SLCO3A1: variants seen among roughly 807,000 people sequenced by gnomAD.
The protein encoded by SLCO3A1 is PGE1 transporter.
Under a neutral mutation model 63.1 loss-of-function variants are expected in SLCO3A1, and 27 were observed. That is an observed-to-expected ratio of 0.43 (90% CI 0.32 to 0.59). The LOEUF (loss-of-function observed/expected upper bound fraction) is 0.59, where lower values mean the gene tolerates loss of function less well. Ranked by LOEUF, SLCO3A1 falls within the 20% of genes least tolerant of loss-of-function variation. The pLI, the probability that SLCO3A1 is intolerant of heterozygous loss-of-function variation, is 0.09. For synonymous variants in SLCO3A1, 473 were observed against 409.9 expected (o/e 1.15, Z -1.86); for missense variants, 773 against 945.8 (o/e 0.82, Z 2.40).
At position 91,865,348 on chromosome 15, in the gene SLCO3A1, T is replaced by A. The variant is rs1897139750; in HGVS notation, c.180+11260T>A. On this transcript the variant is annotated intron_variant, in intron 1 of 9. Coordinates refer to ENST00000318445, the MANE Select transcript of SLCO3A1 (RefSeq NM_013272.4). This position sits in a 1 kb window ranked among gnomAD's most constrained non-coding sequence, Gnocchi z 4.6. ...TAAGTGAGAAAGTGACTTTCACAGTTTATCTGTTGGTGAGGTGGACATGGG... is the reference window on the plus strand; with the variant it reads ...TAAGTGAGAAAGTGACTTTCACAGTATATCTGTTGGTGAGGTGGACATGGG... Among the ~76,000 whole-genome samples, 1 of 152,200 alleles carries A rather than the reference T, an allele frequency of 6.6e-6. No homozygotes were observed. Among genetic ancestry groups the A allele is most frequent in the Admixed American group, 6.5e-5 (1 of 15,286 alleles).
rs546748043 is a variant in SLCO3A1 at position 92,162,386 on chromosome 15, G to T, written c.1754-370G>T. The T allele has an allele frequency of 9.6e-5, 18 of 188,032 alleles. No individual in the cohort carries two copies. The South Asian group carries it at 1.0e-3, about 11-fold the overall frequency. 11.6% of individuals were successfully genotyped at this position (188,032 alleles called of 1,614,324 possible). On this transcript the variant is annotated intron_variant, in intron 9 of 9. Transcript: ENST00000318445. ...GCTGGTCTCAAACTCCTGATCTCAG[G>T]TGATCCACCTGCTTCAGCCTCCCAA...
At chr15:92,145,125 G>GA (rs1189586711) in intron 7 of SLCO3A1, among the ~76,000 whole-genome samples, 3 of 152,176 alleles carry the variant, frequency 2.0e-5, no homozygotes, top group African/African-American at 7.2e-5. Context: ...TCCGGGGAGA[G>GA]AAAAATGCAT....
intron 2 of SLCO3A1, among the ~76,000 whole-genome samples, chr15:92,032,430 G>C (rs538535833): frequency 6.6e-6 from 1 of 152,160 alleles, no homozygotes; most frequent in African/African-American, 2.4e-5. Flanking sequence ...GAGGCTAAGT[G>C]TATAGGGTAA....
rs76460962 is a variant in SLCO3A1, at chr15:92,014,854, G to C, written c.647-80027G>C. Among the ~76,000 whole-genome samples, 895 of 152,206 alleles carry C rather than the reference G, an allele frequency of 5.9e-3. 9 individuals are homozygous for C. The highest frequency in any genetic ancestry group is 0.021 in the African/African-American group (863 of 41,542). Reference sequence around the variant, plus strand: ...TTGGCAAGGAGACAGAGTAGGCATTGAGGGAGGTGGAGGAGGAGGGTAAGG... The same window carrying C: ...TTGGCAAGGAGACAGAGTAGGCATTCAGGGAGGTGGAGGAGGAGGGTAAGG... On this transcript the variant is annotated intron_variant, in intron 2 of 9. Transcript: ENST00000318445.
At chr15:91,964,008 A>G (rs12908772) in intron 2 of SLCO3A1, among the ~76,000 whole-genome samples, 1 of 152,132 alleles carries the variant, frequency 6.6e-6, no homozygotes, top group East Asian at 1.9e-4. Flanking sequence ...TGTGTTCACC[A>G]TCTTTTAACT....
chr15:92,001,100 T>C (rs1271335245), intron 2 of SLCO3A1, among the ~76,000 whole-genome samples: 1 of 151,432 alleles, frequency 6.6e-6, no homozygotes, highest in African/African-American at 2.4e-5. Flanking sequence ...TTCTAAGACA[T>C]AACTGTGAAT....
intron 4 of SLCO3A1, among the ~76,000 whole-genome samples, chr15:92,117,574 C>T (rs74030491): frequency 2.3e-4 from 35 of 152,264 alleles, no homozygotes; most frequent in African/African-American, 7.5e-4. Context: ...CATAAACCAC[C>T]GGGACATTCA....
chr15:91,908,273 A>G (rs947326316), intron 1 of SLCO3A1, among the ~76,000 whole-genome samples: 11 of 144,054 alleles, frequency 7.6e-5, no homozygotes, highest in East Asian at 2.3e-4. Flanking sequence ...GTCTGTGTCT[A>G]TGAGATTCTC....
chr15:92,140,511 G>C (rs1343341165), intron 7 of SLCO3A1, among the ~76,000 whole-genome samples: 5 of 152,176 alleles, frequency 3.3e-5, no homozygotes, highest in South Asian at 2.1e-4. Context: ...GTGCAGAGCT[G>C]AGTTCAATTC....
chr15:91,945,902 G>T (rs1314695769), intron 2 of SLCO3A1, among the ~76,000 whole-genome samples: 1 of 152,208 alleles, frequency 6.6e-6, no homozygotes, highest in Non-Finnish European at 1.5e-5. Context: ...TGATGGAGAG[G>T]GAGGGAAGAG....
At chr15:91,947,918 C>G (rs900479455) in intron 2 of SLCO3A1, among the ~76,000 whole-genome samples, 1 of 152,192 alleles carries the variant, frequency 6.6e-6, no homozygotes, top group Non-Finnish European at 1.5e-5. Flanking sequence ...GGCAATTCCC[C>G]TTTGGCCCCC....
At chr15:91,888,982 C>G (rs181455747) in intron 1 of SLCO3A1, 148 of 347,666 alleles carry the variant, frequency 4.3e-4, no homozygotes, top group African/African-American at 3.3e-3. Flanking sequence ...GCAGTCCAGC[C>G]TGGGTAACAA....
chr15:91,984,363 T>A (rs1457736826), intron 2 of SLCO3A1, among the ~76,000 whole-genome samples: 1 of 152,228 alleles, frequency 6.6e-6, no homozygotes, highest in East Asian at 1.9e-4. Flanking sequence ...TTCCATCATC[T>A]TTCTTATCGG....
intron 2 of SLCO3A1, among the ~76,000 whole-genome samples, chr15:92,017,346 G>C (rs575593397): frequency 1.3e-5 from 2 of 151,920 alleles, no homozygotes; most frequent in Non-Finnish European, 2.9e-5. Flanking sequence ...AAGGAAGCAG[G>C]GATCCTTATA....
chr15:92,000,186 TTG>T (rs1253893176), intron 2 of SLCO3A1, among the ~76,000 whole-genome samples: 1 of 152,204 alleles, frequency 6.6e-6, no homozygotes, highest in African/African-American at 2.4e-5. Context: ...GATTTTATAA[TTG>T]TGGGCATGTG....
At chr15:91,989,437 G>C (rs1328960798) in intron 2 of SLCO3A1, among the ~76,000 whole-genome samples, 1 of 152,212 alleles carries the variant, frequency 6.6e-6, no homozygotes, top group African/African-American at 2.4e-5. Flanking sequence ...TGGATTGTAT[G>C]TCCGTAGTAA....
rs1181714573 is a variant in SLCO3A1 at position 92,104,265 on chromosome 15, C to CT, written c.746-11dup. 1 of 1,613,880 alleles carries CT rather than the reference C, an allele frequency of 6.2e-7. No homozygotes were observed. The highest frequency in any genetic ancestry group is 1.1e-5 in the South Asian group (1 of 91,070). ...CTTCTTTTCTCCACTAAGCTGTGCT[C>CT]TTTCCATTTACAGGTAACCTGGACA... On this transcript the variant is annotated splice_polypyrimidine_tract_variant and intron_variant, in intron 3 of 9. Coordinates refer to ENST00000318445, the MANE Select transcript of SLCO3A1 (RefSeq NM_013272.4).
At chr15:91,992,053 C>T (rs761904948) in intron 2 of SLCO3A1, among the ~76,000 whole-genome samples, 1 of 152,196 alleles carries the variant, frequency 6.6e-6, no homozygotes, top group Non-Finnish European at 1.5e-5. Context: ...CCTTAAGGGA[C>T]TTTTCTCTCT....
chr15:92,007,131 T>C (rs2046321972), intron 2 of SLCO3A1, among the ~76,000 whole-genome samples: 2 of 152,186 alleles, frequency 1.3e-5, no homozygotes, highest in Non-Finnish European at 2.9e-5. Flanking sequence ...TGGTGTAACA[T>C]TTAGGACAAT....
Sources: allele counts gnomAD v4.1 joint callset (sites outside exome capture counted in the v4.1 genomes callset), GRCh38; gene constraint gnomAD v4.1.1; non-coding constraint Gnocchi (gnomAD v3.1); transcripts MANE v1.5; gene names NCBI Gene and HGNC (gene_info 2026-07-23, HGNC 2026-07-21).